The following CNTN1 variants were observed in gnomAD, a reference collection of about 807,000 sequenced individuals.
CNTN1 encodes the protein contactin 1.
In CNTN1, 38 loss-of-function variants were observed where a neutral mutation model predicts 126.4. The ratio of observed to expected loss-of-function variants is 0.30; its 90% CI spans 0.23 to 0.39. CNTN1 has a LOEUF of 0.39. Ranked by LOEUF, CNTN1 falls within the 10% of genes least tolerant of loss-of-function variation. The pLI, the probability that CNTN1 is intolerant of heterozygous loss-of-function variation, is 1.00. For synonymous variants in CNTN1, 413 were observed against 422.6 expected (o/e 0.98, Z 0.28); for missense variants, 1,009 against 1,248.4 (o/e 0.81, Z 2.89).
intron 15 of CNTN1, among the ~76,000 whole-genome samples, chr12:40,961,954 C>G (rs752092022): frequency 6.6e-6 from 1 of 151,966 alleles, no homozygotes; most frequent in Non-Finnish European, 1.5e-5. Context: ...TTGAGATGGA[C>G]TAATTTTAAT....
chr12:40,986,840 A>G (rs1346260645), intron 16 of CNTN1, among the ~76,000 whole-genome samples: 1 of 152,160 alleles, frequency 6.6e-6, no homozygotes, highest in African/African-American at 2.4e-5. Context: ...TCAAATTACT[A>G]TAGATTCTCC....
chr12:40,940,912 A>G (rs1464136266), intron 12 of CNTN1, among the ~76,000 whole-genome samples: 1 of 152,200 alleles, frequency 6.6e-6, no homozygotes. Flanking sequence ...GGGCAGCTAC[A>G]TGTGTAGGTG....
chr12:40,904,549 C>G (rs920495695), intron 1 of CNTN1, among the ~76,000 whole-genome samples: 42 of 152,122 alleles, frequency 2.8e-4, no homozygotes, highest in African/African-American at 9.9e-4. Context: ...CTGCTTCAGC[C>G]TCCCAAGTAG....
chr12:40,995,347 T>C (rs1311553999), intron 17 of CNTN1, among the ~76,000 whole-genome samples: 1 of 152,014 alleles, frequency 6.6e-6, no homozygotes, highest in Non-Finnish European at 1.5e-5. Flanking sequence ...CTCTACACCA[T>C]CTAAAACACT....
chr12:40,936,775 T>G lies in CNTN1; in HGVS notation c.986-6T>G, dbSNP rs780819917. ...TTTAACATTTACAATGTTCCTTACT[T>G]TTTAGCATTCCCTGAGTGGGTAGAA... is the stretch of plus-strand genomic sequence containing the variant. On this transcript the variant is annotated splice_region_variant and splice_polypyrimidine_tract_variant and intron_variant, in intron 9 of 23. Transcript: ENST00000551295. 1.2e-6 allele frequency: 2 copies of G among 1,612,818 alleles called. No individual in the cohort carries two copies. Among genetic ancestry groups the G allele is most frequent in the Non-Finnish European group, 8.5e-7 (1 of 1,179,068 alleles).
rs115664610 is a variant in CNTN1, at chr12:40,694,462, A to G, written c.-77+1870A>G. ...AGTGATTGGTTGAAAGTCTTCTGAA[A>G]ACTTTAATATTCCAACAACCTGCCG... On this transcript the variant is annotated intron_variant, in intron 1 of 23. Transcript: ENST00000551295. 5.9e-3 allele frequency among the ~76,000 whole-genome samples: 892 copies of G among 152,316 alleles called. 14 individuals are homozygous for G. The highest frequency in any genetic ancestry group is 0.019 in the African/African-American group (802 of 41,562).
chr12:40,895,003 G>T (rs949616680), intron 1 of CNTN1, among the ~76,000 whole-genome samples: 1 of 152,114 alleles, frequency 6.6e-6, no homozygotes, highest in Non-Finnish European at 1.5e-5. Context: ...CCATATAAAA[G>T]GGTTTTGAAA....
At chr12:40,924,083 C>T (rs1019247699) in intron 5 of CNTN1, among the ~76,000 whole-genome samples, 4 of 152,044 alleles carry the variant, frequency 2.6e-5, no homozygotes, top group African/African-American at 4.8e-5. Context: ...TTTCACGTTC[C>T]CTAATGAGGG....
chr12:40,862,953 A>C (rs312277), intron 1 of CNTN1, among the ~76,000 whole-genome samples: 100,044 of 152,066 alleles, frequency 0.66, 33,873 homozygotes, highest in African/African-American at 0.83. Flanking sequence ...TTTATTAAAT[A>C]TTTACATCTT....
chr12:41,018,366 A>C (rs936278255), intron 19 of CNTN1, among the ~76,000 whole-genome samples: 44 of 152,210 alleles, frequency 2.9e-4, no homozygotes, highest in African/African-American at 1.1e-3. Flanking sequence ...ATAGACATTT[A>C]GCCATGCCTT....
intron 7 of CNTN1, among the ~76,000 whole-genome samples, chr12:40,932,714 A>G (rs1185715950): frequency 1.3e-5 from 2 of 151,732 alleles, no homozygotes; most frequent in Non-Finnish European, 2.9e-5. Context: ...GCCCTTACCT[A>G]CTTCTAACTA....
chr12:40,999,152 T>C (rs12579817), intron 17 of CNTN1, among the ~76,000 whole-genome samples: 15,459 of 152,060 alleles, frequency 0.1, 901 homozygotes, highest in Non-Finnish European at 0.13. Flanking sequence ...TGATTTTCTT[T>C]AAAAAAAATT....
chr12:40,975,735 A>G (rs764527301), intron 15 of CNTN1, among the ~76,000 whole-genome samples: 1 of 152,102 alleles, frequency 6.6e-6, no homozygotes, highest in African/African-American at 2.4e-5. Flanking sequence ...ACAGAAAGGT[A>G]GCCCAAAGAA....
intron 1 of CNTN1, among the ~76,000 whole-genome samples, chr12:40,776,654 T>C (rs886609696): frequency 3.3e-5 from 5 of 151,784 alleles, no homozygotes; most frequent in Non-Finnish European, 7.4e-5. Context: ...TTCTAAGTTT[T>C]AGACTTAAGA....
chr12:40,749,422 G>C (rs570427161), intron 1 of CNTN1, among the ~76,000 whole-genome samples: 120 of 152,164 alleles, frequency 7.9e-4, no homozygotes, highest in Non-Finnish European at 1.1e-3. Context: ...ATATTGTGAT[G>C]TATGTTAGTA....
rs142450303 is a variant in CNTN1 at position 40,942,049 on chromosome 12, A to G, written c.1380-1548A>G. The stretch of plus-strand genomic sequence containing the variant: ...GAAAACTAACATAAGTAAGCTAAAA[A>G]TATTAGCATGATTTAAGAAAGAATC... On this transcript the variant is annotated intron_variant, in intron 12 of 23. Coordinates refer to ENST00000551295, the MANE Select transcript of CNTN1 (RefSeq NM_001843.4). Among the ~76,000 whole-genome samples the G allele has an allele frequency of 1.0e-3, 156 of 152,282 alleles. 1 individual carries two copies. The East Asian group carries it at 0.018, about 18-fold the overall frequency.
At chr12:41,053,060 A>G (rs1949721643) in intron 23 of CNTN1, among the ~76,000 whole-genome samples, 1 of 151,690 alleles carries the variant, frequency 6.6e-6, no homozygotes, top group Admixed American at 6.6e-5. Flanking sequence ...GACTACATAG[A>G]TATTATAATC....
At chr12:40,835,353 A>G (rs189485484) in intron 1 of CNTN1, among the ~76,000 whole-genome samples, 44 of 152,326 alleles carry the variant, frequency 2.9e-4, no homozygotes, top group Admixed American at 2.2e-3. Context: ...GAATATTTGT[A>G]GGAAGGACTT....
intron 1 of CNTN1, among the ~76,000 whole-genome samples, chr12:40,881,314 C>G (rs1943862288): frequency 6.6e-6 from 1 of 151,778 alleles, no homozygotes; most frequent in African/African-American, 2.4e-5. Context: ...TGAATTTGAG[C>G]TATATACATA....
Sources: gnomAD v4.1 joint callset for allele counts (sites outside exome capture counted in the v4.1 genomes callset) on GRCh38, gnomAD v4.1.1 for gene constraint, MANE v1.5 for transcripts, NCBI Gene and HGNC (gene_info 2026-07-23, HGNC 2026-07-21) for gene names.